The following UNC80 variants were observed in gnomAD, a reference collection of about 807,000 sequenced individuals.
UNC80 encodes protein unc-80 homolog.
In UNC80, 164 loss-of-function variants were observed where a neutral mutation model predicts 384.6. The observed-to-expected ratio is 0.43, with a 90% CI of 0.38 to 0.49. UNC80 has a LOEUF of 0.49. UNC80 is among the 20% of genes least tolerant of loss of function. The pLI, the probability that UNC80 is intolerant of heterozygous loss-of-function variation, is 0.00. For missense variants in UNC80, 3,330 were observed against 4,143.0 expected, an observed-to-expected ratio of 0.80 and a Z score of 5.39; for synonymous variants, 1,486 against 1,527.8, an observed-to-expected ratio of 0.97 and a Z score of 0.64.
chr2:209,839,171 A>G lies in UNC80; in HGVS notation c.3042-51A>G. 1.3e-6 allele frequency: 2 copies of G among 1,490,486 alleles called. No homozygotes were observed. Among genetic ancestry groups the G allele is most frequent in the Non-Finnish European group, 9.1e-7 (1 of 1,099,782 alleles). The allele number at this position is 1,490,486 out of a possible 1,614,324, so 92.3% of individuals were successfully genotyped here. ...CAGGAAGATGAAAGAAATTTAGGAGAATTTCTCAAGTGTTGTCAGAAGTTT... is the reference window on the plus strand; with the variant it reads ...CAGGAAGATGAAAGAAATTTAGGAGGATTTCTCAAGTGTTGTCAGAAGTTT... On this transcript the variant is annotated intron_variant, in intron 18 of 64. Transcript: ENST00000673920. The surrounding 1 kb of genome is among the most constrained non-coding windows in gnomAD (Gnocchi z 4.1).
At chr2:209,958,198 A>C (rs941430128) in intron 49 of UNC80, among the ~76,000 whole-genome samples, 2 of 152,136 alleles carry the variant, frequency 1.3e-5, no homozygotes, top group Admixed American at 1.3e-4. Context: ...TGTTAACTTA[A>C]TCTCCTTCTC....
At chr2:209,972,436 A>T (rs986045505) in intron 55 of UNC80, 112 bp downstream of exon 55, 2 of 1,373,150 alleles carry the variant, frequency 1.5e-6, no homozygotes, top group Non-Finnish European at 2.0e-6. Context: ...AGTCAGTCTG[A>T]ATGATTTAAA....
chr2:209,859,356 G>A (rs1159079475), intron 22 of UNC80, among the ~76,000 whole-genome samples: 1 of 152,152 alleles, frequency 6.6e-6, no homozygotes. Flanking sequence ...TCCCTGCAAA[G>A]GACGTTATCT....
intron 12 of UNC80, among the ~76,000 whole-genome samples, chr2:209,820,061 G>A (rs2080028739): frequency 6.6e-6 from 1 of 152,150 alleles, no homozygotes; most frequent in East Asian, 1.9e-4. Flanking sequence ...ATCATAGCAT[G>A]TTTTGGAAGA....
intron 22 of UNC80, among the ~76,000 whole-genome samples, chr2:209,851,227 G>T (rs2082507764): frequency 6.6e-6 from 1 of 152,170 alleles, no homozygotes; most frequent in Admixed American, 6.6e-5. Context: ...TGAAAGTGCT[G>T]ATATGAGTGG....
chr2:209,850,108 A>G (rs2082418173), intron 22 of UNC80, among the ~76,000 whole-genome samples: 1 of 152,084 alleles, frequency 6.6e-6, no homozygotes, highest in Non-Finnish European at 1.5e-5. Flanking sequence ...CATCAATTGG[A>G]GGAAAAATAT....
intron 4 of UNC80, among the ~76,000 whole-genome samples, chr2:209,778,734 G>T (rs1022956662): frequency 2.6e-5 from 4 of 152,198 alleles, no homozygotes; most frequent in Non-Finnish European, 5.9e-5. Flanking sequence ...TTCTGTGAAT[G>T]AATAAATTAA....
chr2:209,896,792 A>T (rs529123938), intron 28 of UNC80, among the ~76,000 whole-genome samples: 4 of 152,148 alleles, frequency 2.6e-5, no homozygotes, highest in Admixed American at 2.6e-4. Context: ...TTGGGTGTGT[A>T]TTAGATCAAA....
At position 209,826,069 on chromosome 2, in the gene UNC80, T is replaced by C; in HGVS notation, c.2478+16T>C. ...CCGAGAGAATGTAAGAGAATTAAAG[T>C]AGATTCCATTTCCTCTCCCTCTTCC... On this transcript the variant is annotated intron_variant, in intron 14 of 64. Transcript: ENST00000673920. 1 of 1,543,344 alleles carries C rather than the reference T, an allele frequency of 6.5e-7. No homozygotes were observed. The highest frequency in any genetic ancestry group is 1.2e-5 in the South Asian group (1 of 82,334).
At chr2:209,896,240 CA>C (rs1278957494) in intron 27 of UNC80, 72 bp from the exon 28 acceptor site, 2 of 1,340,626 alleles carry the variant, frequency 1.5e-6, no homozygotes. Context: ...GAAGCATGGA[CA>C]ACTGTACCAT....
intron 26 of UNC80, among the ~76,000 whole-genome samples, chr2:209,891,374 A>G (rs956700196): frequency 1.3e-5 from 2 of 152,154 alleles, no homozygotes; most frequent in African/African-American, 4.8e-5. Context: ...TCAGACAATT[A>G]TACTGCATAT....
At chr2:209,933,277 A>T (rs2091016808) in intron 38 of UNC80, among the ~76,000 whole-genome samples, 1 of 152,162 alleles carries the variant, frequency 6.6e-6, no homozygotes, top group African/African-American at 2.4e-5. Flanking sequence ...ACATTAGAAG[A>T]TATGCAAACA....
rs2086610454 is a variant in UNC80 at position 209,894,262 on chromosome 2, G to A, written c.4376G>A (p.Arg1459His). The A allele has an allele frequency of 2.0e-6, 2 of 985,376 alleles. No homozygotes were observed. Among genetic ancestry groups the A allele is most frequent in the Non-Finnish European group, 2.4e-6 (2 of 829,924 alleles). 61.0% of individuals were successfully genotyped at this position (985,376 alleles called of 1,614,324 possible). A position where few individuals can be genotyped will look rare whatever the true frequency, so the allele number is the denominator to read the frequency against. Reference sequence around the variant, plus strand: ...AAGGGGGGTTCCTTGTCCAGCATTCGCCGGGTCGGCAGCTTAAAGAGCAGC... The same window carrying A: ...AAGGGGGGTTCCTTGTCCAGCATTCACCGGGTCGGCAGCTTAAAGAGCAGC... ...VKKGGSLSSIRRVGSLKSSKL... is the reference protein window; with the variant it reads ...VKKGGSLSSIHRVGSLKSSKL... The change falls in exon 27 of 65, where the codon CGC becomes CAC. Residue 1459 changes from arginine to histidine, a missense_variant. By Grantham distance (29) the Arg-to-His change is conservative. This residue lies in a region of UNC80 where 801 missense variants were observed against 950.8 expected (regional missense o/e 0.84). Coordinates refer to ENST00000673920, the MANE Select transcript of UNC80 (RefSeq NM_001371986.1).
intron 61 of UNC80, among the ~76,000 whole-genome samples, chr2:209,987,719 A>G (rs1264625542): frequency 1.3e-5 from 2 of 152,304 alleles, no homozygotes; most frequent in African/African-American, 4.8e-5. Flanking sequence ...TTGCAAGGAT[A>G]CTTTTAATCA....
chr2:209,971,009 C>T, intron 54 of UNC80, 52 bp downstream of exon 54: 1 of 1,527,864 alleles, frequency 6.5e-7, no homozygotes, highest in Non-Finnish European at 8.8e-7. Context: ...GGTTGAGGCA[C>T]CAGATCATGG....
chr2:209,991,822 G>A (rs993710549), intron 61 of UNC80, among the ~76,000 whole-genome samples: 56 of 151,832 alleles, frequency 3.7e-4, no homozygotes, highest in African/African-American at 1.2e-3. Context: ...TGTCACCACC[G>A]TTTCCCTTCC....
chr2:209,942,763 A>G (rs770137795), intron 44 of UNC80, among the ~76,000 whole-genome samples: 10 of 152,046 alleles, frequency 6.6e-5, no homozygotes, highest in Non-Finnish European at 1.5e-4. Flanking sequence ...AATTCAAAAG[A>G]TGGAGAAAGT....
intron 5 of UNC80, among the ~76,000 whole-genome samples, chr2:209,788,440 A>T (rs1574447244): frequency 6.6e-6 from 1 of 150,852 alleles, no homozygotes; most frequent in Non-Finnish European, 1.5e-5. Flanking sequence ...AGTTTTAAAA[A>T]AAAGTATAAA....
chr2:209,995,730 T>C lies in UNC80; in HGVS notation c.*135T>C. On this transcript the variant is annotated 3_prime_UTR_variant, in exon 65 of 65. Coordinates refer to ENST00000673920, the MANE Select transcript of UNC80 (RefSeq NM_001371986.1). ...TTCTAATGGGTGGCACAAATCTGAA[T>C]AGGTTTTGCTGCCAATACACATGAT... The C allele has an allele frequency of 3.9e-6, 4 of 1,035,150 alleles. No homozygotes were observed. Among genetic ancestry groups the C allele is most frequent in the Non-Finnish European group, 5.5e-6 (4 of 727,006 alleles). 64.1% of individuals were successfully genotyped at this position (1,035,150 alleles called of 1,614,324 possible). A position where few individuals can be genotyped will look rare whatever the true frequency, so the allele number is the denominator to read the frequency against.
Sources: gnomAD v4.1 joint callset for allele counts (sites outside exome capture counted in the v4.1 genomes callset) on GRCh38, gnomAD v4.1.1 for gene constraint, gnomAD v4.1.1 regional missense constraint, Gnocchi (gnomAD v3.1) non-coding constraint, MANE v1.5 for transcripts, NCBI Gene and HGNC (gene_info 2026-07-23, HGNC 2026-07-21) for gene names.